The following MYOM2 variants were observed in gnomAD, a reference collection of about 807,000 sequenced individuals.
MYOM2 encodes myomesin 2.
MYOM2 carries 254 observed loss-of-function variants against 187.6 expected under a neutral mutation model. The observed-to-expected ratio is 1.35, with a 90% CI of 1.22 to 1.50. The LOEUF (loss-of-function observed/expected upper bound fraction) is 1.50. MYOM2 is among the 40% of genes most tolerant of loss of function. MYOM2 has a pLI of 0.00. For synonymous variants in MYOM2, 981 were observed against 753.8 expected, an observed-to-expected ratio of 1.30 and a Z score of -4.94; for missense variants, 2,796 against 1,924.0, an observed-to-expected ratio of 1.45 and a Z score of -8.48.
chr8:2,116,861 C>A (rs1434007372), intron 27 of MYOM2, among the ~76,000 whole-genome samples: 2 of 152,234 alleles, frequency 1.3e-5, no homozygotes, highest in South Asian at 4.1e-4. Flanking sequence ...GGGTTCACGC[C>A]GTTCTCCTGC....
At chr8:2,078,248 C>T (rs1451203587) in intron 11 of MYOM2, among the ~76,000 whole-genome samples, 1 of 152,166 alleles carries the variant, frequency 6.6e-6, no homozygotes, top group Non-Finnish European at 1.5e-5. Flanking sequence ...GACTGTAAGC[C>T]AGCTTTCCCA....
chr8:2,116,525 G>T (rs1563066525), intron 27 of MYOM2, among the ~76,000 whole-genome samples: 1 of 152,186 alleles, frequency 6.6e-6, no homozygotes, highest in Admixed American at 6.5e-5. Flanking sequence ...AATAAAGAAT[G>T]GGGGTAGAGG....
chr8:2,085,341 A>G lies in MYOM2; in HGVS notation c.1595A>G (p.Glu532Gly). The G allele has an allele frequency of 6.2e-7, 1 of 1,613,954 alleles. No individual in the cohort carries two copies. The highest frequency in any genetic ancestry group is 8.5e-7 in the Non-Finnish European group (1 of 1,179,968). ...AGAAACTATGTCGTCCTCAGCTGGG[A>G]GCCACCCACTCCCCGTGGCAAGGAC... ...ISRNYVVLSW[E>G]PPTPRGKDPL... The change falls in exon 14 of 37, where the codon GAG becomes GGG. Residue 532 changes from glutamate (E) to glycine (G), a missense_variant. Transcript: ENST00000262113.
At chr8:2,054,001 C>T (rs376581527) in intron 3 of MYOM2, among the ~76,000 whole-genome samples, 21 of 152,272 alleles carry the variant, frequency 1.4e-4, no homozygotes, top group African/African-American at 4.3e-4. Flanking sequence ...TGCTCTATCA[C>T]CGTCATGCAG....
At position 2,078,354 on chromosome 8, in the gene MYOM2, C is replaced by T. The variant is rs370884775; in HGVS notation, c.1263-380C>T. Among the ~76,000 whole-genome samples the T allele has an allele frequency of 9.2e-5, 14 of 152,230 alleles. No homozygotes were observed. The South Asian group carries it at 1.9e-3, about 20-fold the overall frequency. ...AGCCTGGGCCTCAGACGGGCCAAGCCGCAGCTTAGGGGTGCCGTGACTATG... is the reference window on the plus strand; with the variant it reads ...AGCCTGGGCCTCAGACGGGCCAAGCTGCAGCTTAGGGGTGCCGTGACTATG... On this transcript the variant is annotated intron_variant, in intron 11 of 36. Coordinates refer to ENST00000262113, the MANE Select transcript of MYOM2 (RefSeq NM_003970.4).
chr8:2,098,932 T>G lies in MYOM2; in HGVS notation c.2389T>G (p.Ser797Ala), dbSNP rs766272973. The change falls in exon 19 of 37, where the codon TCA (serine) becomes GCA (alanine). Residue 797 changes from serine (S) to alanine (A), a missense_variant. By Grantham distance (99) the Ser-to-Ala change is moderately conservative (BLOSUM62 1). Transcript: ENST00000262113. ...CAACCTGGCCGGCATCGGGGAGCCCTCAGATCCCAGTGAGCACTTCAAGTG... is the reference window on the plus strand; with the variant it reads ...CAACCTGGCCGGCATCGGGGAGCCCGCAGATCCCAGTGAGCACTTCAAGTG... Reference protein sequence around the residue: ...AVNLAGIGEPSDPSEHFKCEA... With the variant: ...AVNLAGIGEPADPSEHFKCEA... The G allele has an allele frequency of 1.9e-6, 3 of 1,613,468 alleles. No homozygotes were observed. The South Asian group carries it at 3.3e-5, about 18-fold the overall frequency.
intron 32 of MYOM2, among the ~76,000 whole-genome samples, chr8:2,135,767 T>A (rs4395914): frequency 0.13 from 19,843 of 152,232 alleles, 2,193 homozygotes; most frequent in African/African-American, 0.28. Flanking sequence ...ATAATTTTAA[T>A]ATCCCTATAT....
intron 21 of MYOM2, among the ~76,000 whole-genome samples, chr8:2,104,946 T>A (rs1796842415): frequency 6.6e-6 from 1 of 152,184 alleles, no homozygotes; most frequent in Admixed American, 6.5e-5. Context: ...GAATTTTTAT[T>A]ATTCTGTTTT....
intron 13 of MYOM2, among the ~76,000 whole-genome samples, chr8:2,080,477 A>C (rs1819583549): frequency 6.6e-6 from 1 of 152,186 alleles, no homozygotes; most frequent in Admixed American, 6.5e-5. Flanking sequence ...AGGGACATAA[A>C]CTCCCAAAAG....
At chr8:2,136,875 C>A (rs747090861) in intron 32 of MYOM2, among the ~76,000 whole-genome samples, 1 of 152,320 alleles carries the variant, frequency 6.6e-6, no homozygotes, top group East Asian at 1.9e-4. Context: ...GCCGCAAAGG[C>A]TAAAACGCTG....
Position 2,052,262 on chromosome 8 carries a change from G to T in MYOM2, c.212G>T (p.Cys71Phe), listed in dbSNP as rs763164767. 1.1e-5 allele frequency: 18 copies of T among 1,611,694 alleles called. No homozygotes were observed. The East Asian group carries it at 3.3e-4, about 30-fold the overall frequency. ...CTGGGAGGAACCATCTGCAGGGTCT[G>T]TGCGAAGCGAGTGAGCACGCAGGAA... ...TSLGGTICRVCAKRVSTQEDE... is the reference protein window; with the variant it reads ...TSLGGTICRVFAKRVSTQEDE... Residue 71 changes from cysteine to phenylalanine, a missense_variant, in exon 3 of 37, where the codon TGT (cysteine) becomes TTT (phenylalanine). Transcript: ENST00000262113.
Position 2,059,241 on chromosome 8 carries a change from A to G in MYOM2, c.649A>G (p.Asn217Asp), listed in dbSNP as rs569573488. ...SNYGVHTLEI[N>D]RADFDDTATY... The stretch of plus-strand genomic sequence containing the variant: ...CTATGGCGTACACACACTGGAGATC[A>G]ACAGGTATGGCTGTGGTGGGGGCTC... Residue 217 changes from asparagine to aspartate, a missense_variant, in exon 6 of 37, where the codon AAC becomes GAC. Transcript: ENST00000262113. 81 of 1,613,898 alleles carry G rather than the reference A, an allele frequency of 5.0e-5. No individual in the cohort carries two copies. Among genetic ancestry groups the G allele is most frequent in the Non-Finnish European group, 6.8e-5 (80 of 1,179,942 alleles).
chr8:2,085,493 T>TGTCATGATCTCTGGCACCC, intron 14 of MYOM2, 103 bp downstream of exon 14: 2 of 1,152,634 alleles, frequency 1.7e-6, no homozygotes, highest in Admixed American at 2.9e-5. Context: ...GCGTGGCCCC[T>TGTCATGATCTCTGGCACCC]CACTGTTGTG....
chr8:2,096,293 C>T lies in MYOM2; in HGVS notation c.2172C>T (p.Gly724=), dbSNP rs977934972. 9.3e-6 allele frequency: 15 copies of T among 1,614,072 alleles called. No homozygotes were observed. Among genetic ancestry groups the T allele is most frequent in the East Asian group, 8.9e-5 (4 of 44,874 alleles). The change falls in exon 18 of 37, where the codon GGC becomes GGT. Residue 724 remains glycine, a synonymous_variant. Coordinates refer to ENST00000262113, the MANE Select transcript of MYOM2 (RefSeq NM_003970.4). ...PYGITLLNCD[G]HSMTLGWKVP... ...GGATTACGCTCCTCAACTGTGACGG[C>T]CACTCCATGACCCTCGGCTGGAAGG...
rs7012527 is a variant in MYOM2, at chr8:2,124,786, T to C, written c.3694+569T>C. On this transcript the variant is annotated intron_variant, in intron 31 of 36. Coordinates refer to ENST00000262113, the MANE Select transcript of MYOM2 (RefSeq NM_003970.4). ...TTTGTCTTTTTGATAATAGCCATTCTAACAGGTGTGAGATGATATCTCACT... is the reference window on the plus strand; with the variant it reads ...TTTGTCTTTTTGATAATAGCCATTCCAACAGGTGTGAGATGATATCTCACT... 9.6e-3 allele frequency among the ~76,000 whole-genome samples: 1,465 copies of C among 152,312 alleles called. 30 individuals carry two copies. The highest frequency in any genetic ancestry group is 0.034 in the African/African-American group (1,408 of 41,572).
intron 18 of MYOM2, 98 bp downstream of exon 18, chr8:2,096,532 A>G (rs1796492585): frequency 1.9e-5 from 22 of 1,151,904 alleles, no homozygotes; most frequent in Non-Finnish European, 2.6e-5. Flanking sequence ...AGTTTGATAC[A>G]GACACAAAAA....
intron 20 of MYOM2, chr8:2,102,243 T>A (rs887325707): frequency 6.4e-6 from 1 of 156,294 alleles, no homozygotes; most frequent in African/African-American, 2.4e-5. Context: ...TCCAAGCAGG[T>A]TTTAATAAGA....
chr8:2,125,827 C>G (rs1797616578), intron 31 of MYOM2, among the ~76,000 whole-genome samples: 1 of 151,576 alleles, frequency 6.6e-6, no homozygotes, highest in African/African-American at 2.4e-5. Flanking sequence ...CCAGGATGGT[C>G]TCCATTTCCT....
rs1319329717 is a variant in MYOM2, at chr8:2,083,473, C to T, written c.1517-1790C>T. 2.0e-5 allele frequency among the ~76,000 whole-genome samples: 3 copies of T among 152,300 alleles called. No individual in the cohort carries two copies. In the South Asian group the frequency reaches 6.2e-4, roughly 32 times the overall value. On this transcript the variant is annotated intron_variant, in intron 13 of 36. Transcript: ENST00000262113. ...GCATCTCGCATGTGCTTAGCACCAT[C>T]TCGCATATGTCTAATGGCATCTCAT...
Sources: gnomAD v4.1 joint callset for allele counts (sites outside exome capture counted in the v4.1 genomes callset) on GRCh38, gnomAD v4.1.1 for gene constraint, MANE v1.5 for transcripts, NCBI Gene and HGNC (gene_info 2026-07-23, HGNC 2026-07-21) for gene names.